CYB5B: variants seen among roughly 807,000 people sequenced by gnomAD.
CYB5B encodes cytochrome b5 type B.
Under a neutral mutation model 21.3 loss-of-function variants are expected in CYB5B, and 14 were observed. That is an observed-to-expected ratio of 0.66 (90% CI 0.43 to 1.03). The LOEUF is 1.03. Among genes scored for constraint, CYB5B ranks in the 50% least tolerant of loss-of-function variants. The pLI, the probability that CYB5B is intolerant of heterozygous loss-of-function variation, is 0.00. For missense variants in CYB5B, 166 were observed against 185.1 expected, an observed-to-expected ratio of 0.90 and a Z score of 0.60; for synonymous variants, 69 against 68.4, an observed-to-expected ratio of 1.01 and a Z score of -0.04.
At chr16:69,455,955 A>T (rs1234281168) in intron 3 of CYB5B, among the ~76,000 whole-genome samples, 1 of 152,126 alleles carries the variant, frequency 6.6e-6, no homozygotes, top group Non-Finnish European at 1.5e-5. Flanking sequence ...ATTGAATATG[A>T]CTTTAGAATT....
chr16:69,447,763 C>T (rs549408654), intron 2 of CYB5B, among the ~76,000 whole-genome samples: 1 of 152,210 alleles, frequency 6.6e-6, no homozygotes, highest in African/African-American at 2.4e-5. Flanking sequence ...CCAGGTAGCA[C>T]ATGTAATATC....
At chr16:69,459,825 G>A (rs2015017321) in intron 4 of CYB5B, among the ~76,000 whole-genome samples, 2 of 151,900 alleles carry the variant, frequency 1.3e-5, no homozygotes, top group Admixed American at 6.6e-5. Flanking sequence ...TTGAGGTAAC[G>A]GACACAGTAT....
chr16:69,450,286 AAAAG>A (rs2014920323), intron 3 of CYB5B: 1 of 152,070 alleles, frequency 6.6e-6, no homozygotes, highest in Admixed American at 6.6e-5. Flanking sequence ...GAAAGATAGA[AAAAG>A]AAAGCATTTA....
intron 1 of CYB5B, among the ~76,000 whole-genome samples, chr16:69,436,019 A>G (rs974310242): frequency 2.0e-5 from 3 of 152,224 alleles, no homozygotes; most frequent in Non-Finnish European, 4.4e-5. Context: ...GAGAAATAAG[A>G]TGAGGCAGAA....
chr16:69,461,339 C>G (rs935247478), intron 4 of CYB5B, among the ~76,000 whole-genome samples: 3 of 152,162 alleles, frequency 2.0e-5, no homozygotes, highest in African/African-American at 7.2e-5. Flanking sequence ...GAGATTACTT[C>G]AGAGTTCCCA....
intron 3 of CYB5B, among the ~76,000 whole-genome samples, chr16:69,458,194 A>T (rs573815103): frequency 9.9e-5 from 15 of 152,166 alleles, no homozygotes; most frequent in Non-Finnish European, 2.1e-4. Context: ...TGTACAAATC[A>T]ATGGTTTTTA....
rs1303468852 is a variant in CYB5B at position 69,434,104 on chromosome 16, A to C, written c.174+9247A>C. Among the ~76,000 whole-genome samples, 8 of 152,168 alleles carry C rather than the reference A, an allele frequency of 5.3e-5. No individual in the cohort carries two copies. The South Asian group carries it at 1.2e-3, about 24-fold the overall frequency. On this transcript the variant is annotated intron_variant, in intron 1 of 4. Transcript: ENST00000307892. The stretch of plus-strand genomic sequence containing the variant: ...GAACATTTCTACCAGTGTTGTCCCC[A>C]TACACACTCATTTTATTTCTAACAC...
At chr16:69,429,256 T>C (rs2142808108) in intron 1 of CYB5B, among the ~76,000 whole-genome samples, 1 of 151,448 alleles carries the variant, frequency 6.6e-6, no homozygotes, top group East Asian at 1.9e-4. Flanking sequence ...TTGTGAAGAG[T>C]GAAAGAACAA....
intron 1 of CYB5B, among the ~76,000 whole-genome samples, chr16:69,431,299 T>C (rs2014703267): frequency 6.6e-6 from 1 of 152,120 alleles, no homozygotes; most frequent in Admixed American, 6.5e-5. Context: ...ATATGTGTTT[T>C]TAGAAACTGT....
intron 1 of CYB5B, among the ~76,000 whole-genome samples, chr16:69,445,810 G>A (rs969800020): frequency 6.6e-6 from 1 of 152,128 alleles, no homozygotes; most frequent in African/African-American, 2.4e-5. Flanking sequence ...TACAAAATTA[G>A]CTGGGCATGG....
chr16:69,462,255 A>G (rs1018429333), intron 4 of CYB5B, among the ~76,000 whole-genome samples, 175 bp from the exon 5 acceptor site: 3 of 152,214 alleles, frequency 2.0e-5, no homozygotes, highest in Non-Finnish European at 2.9e-5. Context: ...ATTACTTTGT[A>G]ATATTGTCAC....
chr16:69,434,893 G>C (rs958110551), intron 1 of CYB5B, among the ~76,000 whole-genome samples: 5 of 151,566 alleles, frequency 3.3e-5, no homozygotes, highest in Non-Finnish European at 5.9e-5. Context: ...CATTGTAATG[G>C]GTGTGTAATG....
chr16:69,447,988 C>A, intron 2 of CYB5B, 127 bp from the exon 3 acceptor site: 1 of 969,010 alleles, frequency 1.0e-6, no homozygotes, highest in Non-Finnish European at 1.6e-6. Context: ...TCTATGGATC[C>A]TCAAATCTCC....
chr16:69,460,761 A>T lies in CYB5B; in HGVS notation c.362+1640A>T, dbSNP rs140976058. ...GTTATTCGAGATATTCAAACATCAG[A>T]GACAACCCTAATAAATTGTGGTATA... On this transcript the variant is annotated intron_variant, in intron 4 of 4. Coordinates refer to ENST00000307892, the MANE Select transcript of CYB5B (RefSeq NM_030579.3). Among the ~76,000 whole-genome samples the T allele has an allele frequency of 2.4e-3, 361 of 152,340 alleles. 6 individuals carry two copies. The East Asian group carries it at 0.027, about 12-fold the overall frequency.
intron 3 of CYB5B, among the ~76,000 whole-genome samples, chr16:69,455,925 C>T (rs757095198): frequency 6.6e-6 from 1 of 151,992 alleles, no homozygotes; most frequent in Non-Finnish European, 1.5e-5. Context: ...GTCCTTGGCT[C>T]AGAAAATTGT....
At chr16:69,446,674 G>C (rs1597284012) in intron 1 of CYB5B, among the ~76,000 whole-genome samples, 2 of 152,178 alleles carry the variant, frequency 1.3e-5, no homozygotes, top group African/African-American at 4.8e-5. Flanking sequence ...AAAGTTGCAA[G>C]AATAGAATAA....
At chr16:69,454,099 A>G (rs550196182) in intron 3 of CYB5B, among the ~76,000 whole-genome samples, 47 of 152,250 alleles carry the variant, frequency 3.1e-4, no homozygotes, top group Non-Finnish European at 4.9e-4. Flanking sequence ...TGTTATAACA[A>G]ATTTTTCACT....
At chr16:69,460,358 C>T (rs978666220) in intron 4 of CYB5B, among the ~76,000 whole-genome samples, 1 of 152,030 alleles carries the variant, frequency 6.6e-6, no homozygotes, top group Non-Finnish European at 1.5e-5. Context: ...TTTAAAACCT[C>T]AGTAGAATAT....
At chr16:69,431,197 T>C (rs2014702139) in intron 1 of CYB5B, among the ~76,000 whole-genome samples, 2 of 144,672 alleles carry the variant, frequency 1.4e-5, no homozygotes, top group East Asian at 2.1e-4. Context: ...CCATGTTAGG[T>C]AGGCTGGTCT....
Sources: allele counts gnomAD v4.1 joint callset (sites outside exome capture counted in the v4.1 genomes callset), GRCh38; gene constraint gnomAD v4.1.1; transcripts MANE v1.5; gene names NCBI Gene and HGNC (gene_info 2026-07-23, HGNC 2026-07-21).